MAGEB2: variants seen among roughly 807,000 people sequenced by gnomAD.
The protein encoded by MAGEB2 is melanoma-associated antigen B2.
For synonymous variants in MAGEB2, 107 were observed against 96.2 expected, an observed-to-expected ratio of 1.11 and a Z score of -0.66; for missense variants, 365 against 243.2, an observed-to-expected ratio of 1.50 and a Z score of -3.33.
Position 30,219,381 on chromosome X carries a change from T to C in MAGEB2, c.801T>C (p.Asp267=). The C allele has an allele frequency of 8.3e-7, 1 of 1,211,451 alleles. No homozygotes were observed. The highest frequency in any genetic ancestry group is 2.2e-5 in the Admixed American group (1 of 46,027). Residue 267 remains aspartate, a synonymous_variant, in exon 2 of 2, where the codon GAT becomes GAC. Transcript: ENST00000378988. The part of the protein sequence containing the change: ...YLEYKQVPSS[D]PPRFQFLWGP... ...AGTACAAGCAGGTGCCCAGCAGTGA[T>C]CCCCCACGCTTTCAATTCCTGTGGG...
chrX:30,219,459 C>T lies in MAGEB2; in HGVS notation c.879C>T (p.Ala293=), dbSNP rs1924508806. 8.3e-7 allele frequency: 1 copy of T among 1,209,350 alleles called. No homozygotes were observed. Among genetic ancestry groups the T allele is most frequent in the African/African-American group, 1.8e-5 (1 of 57,132 alleles). ...AGATGAAAGTCCTGGAGTTTTTGGC[C>T]AAGGTAAATGGTACCACCCCCTGTG... ...TSKMKVLEFL[A]KVNGTTPCAF... The change falls in exon 2 of 2, where the codon GCC becomes GCT. Residue 293 remains alanine (A), a synonymous_variant. Transcript: ENST00000378988.
intron 1 of MAGEB2, among the ~76,000 whole-genome samples, chrX:30,215,997 C>T (rs995311187): frequency 4.5e-5 from 5 of 111,867 alleles, no homozygotes; most frequent in Non-Finnish European, 7.5e-5. Context: ...TGGGAGGCCC[C>T]AGCAAAGCTG....
chrX:30,215,931 C>T lies in MAGEB2; in HGVS notation c.-6+276C>T, dbSNP rs112588734. ...GGCCCTAAATGTGGACTGAAGAGAA[C>T]ATCTCCTACCCTTAACAAAGGTGGC... is the stretch of plus-strand genomic sequence containing the variant. On this transcript the variant is annotated intron_variant, in intron 1 of 1. Coordinates refer to ENST00000378988, the MANE Select transcript of MAGEB2 (RefSeq NM_002364.5). 9.0e-3 allele frequency among the ~76,000 whole-genome samples: 996 copies of T among 111,218 alleles called. 11 individuals carry two copies. Among genetic ancestry groups the T allele is most frequent in the African/African-American group, 0.031 (958 of 30,524 alleles).
At chrX:30,216,168 C>T (rs1286118480) in intron 1 of MAGEB2, among the ~76,000 whole-genome samples, 1 of 111,901 alleles carries the variant, frequency 8.9e-6, no homozygotes, top group Admixed American at 9.4e-5. Context: ...GGGCAGTTCC[C>T]AGGCCGAGGT....
intron 1 of MAGEB2, among the ~76,000 whole-genome samples, chrX:30,217,993 G>A (rs1303762254): frequency 8.9e-6 from 1 of 111,897 alleles, no homozygotes; most frequent in Non-Finnish European, 1.9e-5. Context: ...GCAGAAGGGG[G>A]CTGGTGCCAA....
intron 1 of MAGEB2, among the ~76,000 whole-genome samples, chrX:30,215,961 C>CT (rs1569249152): frequency 9.0e-6 from 1 of 111,698 alleles, no homozygotes; most frequent in African/African-American, 3.3e-5. Context: ...GGTGGCCTCA[C>CT]TAAGTCTCGT....
intron 1 of MAGEB2, among the ~76,000 whole-genome samples, chrX:30,218,071 A>G (rs1207076667): frequency 2.7e-5 from 3 of 110,520 alleles, no homozygotes; most frequent in Non-Finnish European, 5.7e-5. Context: ...CAAGACATCA[A>G]AGACCCCACT....
At chrX:30,216,172 C>T (rs994102509) in intron 1 of MAGEB2, among the ~76,000 whole-genome samples, 1 of 111,920 alleles carries the variant, frequency 8.9e-6, no homozygotes, top group Non-Finnish European at 1.9e-5. Flanking sequence ...AGTTCCCAGG[C>T]CGAGGTGACA....
At chrX:30,217,760 A>G (rs945225088) in intron 1 of MAGEB2, among the ~76,000 whole-genome samples, 1 of 112,093 alleles carries the variant, frequency 8.9e-6, no homozygotes, top group Non-Finnish European at 1.9e-5. Flanking sequence ...CCTCAGTTCA[A>G]TAAAAAGGAG....
rs187431334 is a variant in MAGEB2 at position 30,216,696 on chromosome X, C to T, written c.-6+1041C>T. 3.2e-3 allele frequency among the ~76,000 whole-genome samples: 333 copies of T among 103,983 alleles called. 1 individual carries two copies. Among genetic ancestry groups the T allele is most frequent in the African/African-American group, 0.011 (314 of 28,002 alleles). The allele number at this position is 103,983 out of a possible 115,157, so 90.3% of individuals were successfully genotyped here. ...GAGATCGAGACCATCCTGGCTAACA[C>T]GGTGAAACCCTGTCTCTACTAAAAA... On this transcript the variant is annotated intron_variant, in intron 1 of 1. Transcript: ENST00000378988.
rs141924015 is a variant in MAGEB2 at position 30,218,907 on chromosome X, T to C, written c.327T>C (p.Asp109=). 596 of 1,208,943 alleles carry C rather than the reference T, an allele frequency of 4.9e-4. 2 individuals are homozygous for C. The highest frequency in any genetic ancestry group is 1.4e-3 in the Middle Eastern group (6 of 4,350). ...CATCCACTAAGAGCCCAAGCGAAGA[T>C]CCTCTAACCAGGAAGTCAGGGTCGT... The part of the protein sequence containing the change: ...ASTSTKSPSE[D]PLTRKSGSLV... Residue 109 remains aspartate (D), a synonymous_variant, in exon 2 of 2, where the codon GAT becomes GAC. Transcript: ENST00000378988.
chrX:30,218,192 G>A (rs1924450779), intron 1 of MAGEB2, among the ~76,000 whole-genome samples: 1 of 112,007 alleles, frequency 8.9e-6, no homozygotes, highest in Admixed American at 9.4e-5. Context: ...GTAGCGGAAG[G>A]GAGTGGCTCA....
rs745960048 is a variant in MAGEB2 at position 30,218,926 on chromosome X, G to C, written c.346G>C (p.Gly116Arg). The change falls in exon 2 of 2, where the codon GGG (glycine) becomes CGG (arginine). Residue 116 changes from glycine to arginine, a missense_variant. Coordinates refer to ENST00000378988, the MANE Select transcript of MAGEB2 (RefSeq NM_002364.5). ...CGAAGATCCTCTAACCAGGAAGTCA[G>C]GGTCGTTGGTGCAGTTCCTGTTGTA... ...PSEDPLTRKS[G>R]SLVQFLLYKY... The C allele has an allele frequency of 5.8e-6, 7 of 1,209,596 alleles. No homozygotes were observed. The highest frequency in any genetic ancestry group is 1.7e-5 in the African/African-American group (1 of 57,479).
At position 30,218,789 on chromosome X, in the gene MAGEB2, C is replaced by T; in HGVS notation, c.209C>T (p.Ala70Val). 8.4e-7 allele frequency: 1 copy of T among 1,188,166 alleles called. No homozygotes were observed. The highest frequency in any genetic ancestry group is 1.1e-6 in the Non-Finnish European group (1 of 883,066). Residue 70 changes from alanine (A) to valine (V), a missense_variant, in exon 2 of 2, where the codon GCT (alanine) becomes GTT (valine). Coordinates refer to ENST00000378988, the MANE Select transcript of MAGEB2 (RefSeq NM_002364.5). ...QEPQRAPTTAAAAAAGVSSTK... is the reference protein window; with the variant it reads ...QEPQRAPTTAVAAAAGVSSTK... Reference sequence around the variant, plus strand: ...CCTCAGAGAGCCCCAACCACTGCCGCTGCTGCGGCTGCGGGTGTTTCATCC... The same window carrying T: ...CCTCAGAGAGCCCCAACCACTGCCGTTGCTGCGGCTGCGGGTGTTTCATCC...
chrX:30,218,737 T>A lies in MAGEB2; in HGVS notation c.157T>A (p.Ser53Thr). 1 of 1,197,642 alleles carries A rather than the reference T, an allele frequency of 8.3e-7. No homozygotes were observed. The highest frequency in any genetic ancestry group is 1.1e-6 in the Non-Finnish European group (1 of 887,641). The part of the protein sequence containing the change: ...SSVSGGAASS[S>T]PAAGIPQEPQ... ...TGTTTCTGGGGGTGCTGCTTCAAGCTCTCCTGCTGCTGGCATTCCCCAGGA... is the reference window on the plus strand; with the variant it reads ...TGTTTCTGGGGGTGCTGCTTCAAGCACTCCTGCTGCTGGCATTCCCCAGGA... The change falls in exon 2 of 2, where the codon TCT becomes ACT. Residue 53 changes from serine (S) to threonine (T), a missense_variant. Transcript: ENST00000378988.
chrX:30,218,694 C>T lies in MAGEB2; in HGVS notation c.114C>T (p.Ala38=), dbSNP rs375229915. 1.2e-5 allele frequency: 14 copies of T among 1,204,171 alleles called. No homozygotes were observed. Among genetic ancestry groups the T allele is most frequent in the Non-Finnish European group, 1.6e-5 (14 of 891,644 alleles). Residue 38 remains alanine (A), a synonymous_variant, in exon 2 of 2, where the codon GCC becomes GCT. Coordinates refer to ENST00000378988, the MANE Select transcript of MAGEB2 (RefSeq NM_002364.5). ...PQVTEAEEEE[A]PCCSSSVSGG... ...TCACTGAAGCAGAGGAAGAAGAGGC[C>T]CCCTGCTGTTCCTCTTCTGTTTCTG... is the stretch of plus-strand genomic sequence containing the variant.
At position 30,218,795 on chromosome X, in the gene MAGEB2, C is replaced by T. The variant is rs761837486; in HGVS notation, c.215C>T (p.Ala72Val). 1.0e-5 allele frequency: 12 copies of T among 1,188,427 alleles called. 1 individual carries two copies. Among genetic ancestry groups the T allele is most frequent in the Admixed American group, 7.1e-5 (3 of 42,271 alleles). The change falls in exon 2 of 2, where the codon GCG (alanine) becomes GTG (valine). Residue 72 changes from alanine to valine, a missense_variant. Transcript: ENST00000378988. Reference protein sequence around the residue: ...PQRAPTTAAAAAAGVSSTKSK... With the variant: ...PQRAPTTAAAVAAGVSSTKSK... Reference sequence around the variant, plus strand: ...AGAGCCCCAACCACTGCCGCTGCTGCGGCTGCGGGTGTTTCATCCACAAAA... The same window carrying T: ...AGAGCCCCAACCACTGCCGCTGCTGTGGCTGCGGGTGTTTCATCCACAAAA...
At position 30,219,691 on chromosome X, in the gene MAGEB2, A is replaced by G. The variant is rs1924516884; in HGVS notation, c.*151A>G. On this transcript the variant is annotated 3_prime_UTR_variant, in exon 2 of 2. Transcript: ENST00000378988. ...CTGTTAACCTTTGTTCTTGTTATGC[A>G]TGAATAACTTGTTGACTTTTTTTTT... 2 of 435,253 alleles carry G rather than the reference A, an allele frequency of 4.6e-6. No individual in the cohort carries two copies. Among genetic ancestry groups the G allele is most frequent in the Non-Finnish European group, 7.3e-6 (2 of 272,272 alleles). 35.9% of individuals were successfully genotyped at this position (435,253 alleles called of 1,213,427 possible).
At chrX:30,218,201 C>G (rs1431917898) in intron 1 of MAGEB2, among the ~76,000 whole-genome samples, 1 of 111,995 alleles carries the variant, frequency 8.9e-6, no homozygotes, top group Non-Finnish European at 1.9e-5. Context: ...GGGAGTGGCT[C>G]AGGCCCTGCC....
Sources: allele counts gnomAD v4.1 joint callset (sites outside exome capture counted in the v4.1 genomes callset), GRCh38; gene constraint gnomAD v4.1.1; transcripts MANE v1.5; gene names NCBI Gene and HGNC (gene_info 2026-07-23, HGNC 2026-07-21).